Variants in R3HDM2 observed in about 807,000 individuals in gnomAD.
R3HDM2 encodes R3H domain-containing protein 2.
A neutral mutation model predicts 124.5 loss-of-function variants in R3HDM2; 38 were observed. That is an observed-to-expected ratio of 0.31 (90% CI 0.24 to 0.40). R3HDM2 has a LOEUF of 0.40. R3HDM2 is among the 10% of genes least tolerant of loss of function. The probability of loss-of-function intolerance (pLI) is 1.00; values close to 1 mark genes in which losing one functional copy is unlikely to be tolerated. For missense variants in R3HDM2, 869 were observed against 1,236.9 expected, an observed-to-expected ratio of 0.70 and a Z score of 4.46; for synonymous variants, 391 against 448.0, an observed-to-expected ratio of 0.87 and a Z score of 1.61.
intron 1 of R3HDM2, 143 bp downstream of exon 1, chr12:57,430,577 C>T (rs1192794139): frequency 1.0e-6 from 1 of 985,152 alleles, no homozygotes; most frequent in Non-Finnish European, 1.2e-6. Context: ...CCATCCGACC[C>T]TGACCCATCG....
In R3HDM2 at chr12:57,254,790, G is replaced by C; in HGVS notation, c.2956C>G (p.Arg986Gly). 3 of 1,568,578 alleles carry C rather than the reference G, an allele frequency of 1.9e-6. No homozygotes were observed. Among genetic ancestry groups the C allele is most frequent in the Non-Finnish European group, 2.6e-6 (3 of 1,148,858 alleles). The part of the protein sequence containing the change: ...KKNYDLRILE[R>G]ASSQ Reference sequence around the variant, plus strand: ...TCCTCCATTTATTGGGAGCTGGCTCGCTCCAGGATCCTCAGGTCATAGTTC... The same window carrying C: ...TCCTCCATTTATTGGGAGCTGGCTCCCTCCAGGATCCTCAGGTCATAGTTC... Residue 986 changes from arginine (R) to glycine (G), a missense_variant, in exon 24 of 24, where the codon CGA (arginine) becomes GGA (glycine). Physicochemically the swap from Arg to Gly is moderately radical, Grantham distance 125 (BLOSUM62 -2). This residue lies in a region of R3HDM2 where 602 missense variants were observed against 789.2 expected (regional missense o/e 0.76). Transcript: ENST00000402412.
intron 2 of R3HDM2, among the ~76,000 whole-genome samples, chr12:57,389,345 T>C (rs1270951519): frequency 1.3e-5 from 2 of 152,314 alleles, no homozygotes; most frequent in African/African-American, 2.4e-5. Flanking sequence ...AAAACTCTAC[T>C]GGTAAGACGA....
chr12:57,413,994 C>A (rs1022913866), intron 1 of R3HDM2, among the ~76,000 whole-genome samples: 3 of 150,352 alleles, frequency 2.0e-5, no homozygotes, highest in Middle Eastern at 3.4e-3. Context: ...TACAGGCACA[C>A]ACCACCATAC....
At chr12:57,359,780 C>A (rs1271357118) in intron 2 of R3HDM2, among the ~76,000 whole-genome samples, 1 of 151,712 alleles carries the variant, frequency 6.6e-6, no homozygotes, top group East Asian at 1.9e-4. Context: ...ATTAAGCATT[C>A]TTATGATTCA....
chr12:57,343,764 TAAAAAAAAA>T (rs5798403), intron 2 of R3HDM2, among the ~76,000 whole-genome samples: 1 of 111,660 alleles, frequency 9.0e-6, no homozygotes, highest in Non-Finnish European at 1.9e-5. Flanking sequence ...TACAAAAGGT[TAAAAAAAAA>T]AAAAAAAAAA....
Position 57,297,983 on chromosome 12 carries a change from T to C in R3HDM2, c.500+107A>G, listed in dbSNP as rs991847593. The C allele has an allele frequency of 5.2e-6, 4 of 768,258 alleles. No homozygotes were observed. The Admixed American group carries it at 8.1e-5, about 16-fold the overall frequency. 47.6% of individuals were successfully genotyped at this position (768,258 alleles called of 1,614,324 possible). ...GACAAATACTAGGGGGACAGGAAGATGAGCATCCTAGATTCTAAGAATGGA... is the reference window on the plus strand; with the variant it reads ...GACAAATACTAGGGGGACAGGAAGACGAGCATCCTAGATTCTAAGAATGGA... On this transcript the variant is annotated intron_variant, in intron 7 of 23. Transcript: ENST00000402412.
rs1333254035 is a variant in R3HDM2 at position 57,317,649 on chromosome 12, G to A, written c.-35-7186C>T. 9.1e-5 allele frequency among the ~76,000 whole-genome samples: 13 copies of A among 142,394 alleles called. No homozygotes were observed. In the South Asian group the frequency reaches 1.3e-3, roughly 15 times the overall value. The allele number at this position is 142,394 out of a possible 152,430, so 93.4% of individuals were successfully genotyped here. A position where few individuals can be genotyped will look rare whatever the true frequency, so the allele number is the denominator to read the frequency against. ...GGAGATAGTTAAAAAAAAAAAAAAGGGTATATTAAGAAGATAGTTAAAAAA... is the reference window on the plus strand; with the variant it reads ...GGAGATAGTTAAAAAAAAAAAAAAGAGTATATTAAGAAGATAGTTAAAAAA... On this transcript the variant is annotated intron_variant, in intron 2 of 23. Transcript: ENST00000402412.
At chr12:57,280,211 C>T in intron 14 of R3HDM2, 147 bp downstream of exon 14, 1 of 913,652 alleles carries the variant, frequency 1.1e-6, no homozygotes, top group South Asian at 2.5e-5. Flanking sequence ...TCTTTCCCTA[C>T]AACTAACAAA....
At chr12:57,321,589 T>C (rs1027686450) in intron 2 of R3HDM2, among the ~76,000 whole-genome samples, 2 of 152,038 alleles carry the variant, frequency 1.3e-5, no homozygotes, top group African/African-American at 4.8e-5. Flanking sequence ...AGGCAGAGGT[T>C]GCAGTGAGCC....
At chr12:57,355,553 T>C (rs969990327) in intron 2 of R3HDM2, among the ~76,000 whole-genome samples, 21 of 152,074 alleles carry the variant, frequency 1.4e-4, no homozygotes, top group Admixed American at 8.5e-4. Flanking sequence ...CTGTCAAAAA[T>C]CAACTGACAT....
Position 57,283,762 on chromosome 12 carries a change from T to G in R3HDM2, c.1171+62A>C. 4.0e-6 allele frequency: 6 copies of G among 1,497,690 alleles called. No individual in the cohort carries two copies. The South Asian group carries it at 4.7e-5, about 12-fold the overall frequency. The allele number at this position is 1,497,690 out of a possible 1,614,324, so 92.8% of individuals were successfully genotyped here. ...CAAAAAAAAAAGTAAATATCAGTGA[T>G]GTTTCACAGGAGACAAGCAAGAAGG... On this transcript the variant is annotated intron_variant, in intron 13 of 23. Transcript: ENST00000402412.
intron 2 of R3HDM2, among the ~76,000 whole-genome samples, chr12:57,392,322 T>C (rs1594384732): frequency 2.0e-5 from 3 of 152,214 alleles, no homozygotes; most frequent in Non-Finnish European, 2.9e-5. Flanking sequence ...AGTAAGGCGA[T>C]GGTTTCAGGA....
intron 2 of R3HDM2, among the ~76,000 whole-genome samples, chr12:57,340,601 A>C (rs528172849): frequency 1.3e-3 from 192 of 152,318 alleles, no homozygotes; most frequent in African/African-American, 4.5e-3. Flanking sequence ...AAAAATAAGA[A>C]TACCTAATGT....
intron 1 of R3HDM2, among the ~76,000 whole-genome samples, chr12:57,408,354 A>G (rs1340824304): frequency 6.6e-6 from 1 of 152,222 alleles, no homozygotes; most frequent in Non-Finnish European, 1.5e-5. Flanking sequence ...GGCATGAGCC[A>G]CCGCACCTGC....
In R3HDM2 at chr12:57,297,826, A is replaced by G. The variant is rs568100309; in HGVS notation, c.500+264T>C. 14 of 447,212 alleles carry G rather than the reference A, an allele frequency of 3.1e-5. No homozygotes were observed. The Admixed American group carries it at 3.1e-4, about 10-fold the overall frequency. The allele number at this position is 447,212 out of a possible 1,614,324, so 27.7% of individuals were successfully genotyped here. A position where few individuals can be genotyped will look rare whatever the true frequency, so the allele number is the denominator to read the frequency against. ...CACTCCCAATGTGTGCTTTTTAATC[A>G]GTATACTCCCAAGACTTCATATTTC... On this transcript the variant is annotated intron_variant, in intron 7 of 23. Transcript: ENST00000402412.
At chr12:57,363,331 G>T (rs1308820403) in intron 2 of R3HDM2, among the ~76,000 whole-genome samples, 1 of 151,988 alleles carries the variant, frequency 6.6e-6, no homozygotes, top group Non-Finnish European at 1.5e-5. Flanking sequence ...ATGGCTTTTA[G>T]CATATTCAGA....
chr12:57,306,153 G>T, intron 3 of R3HDM2, among the ~76,000 whole-genome samples: 1 of 152,278 alleles, frequency 6.6e-6, no homozygotes, highest in African/African-American at 2.4e-5. Flanking sequence ...ATTTATAACA[G>T]GGACCAAGGA....
At chr12:57,417,417 T>C (rs2139462998) in intron 1 of R3HDM2, among the ~76,000 whole-genome samples, 1 of 151,238 alleles carries the variant, frequency 6.6e-6, no homozygotes, top group East Asian at 1.9e-4. Flanking sequence ...GACTTCCACA[T>C]GAAACTGGGT....
chr12:57,301,873 A>G (rs2051257104), intron 4 of R3HDM2, among the ~76,000 whole-genome samples: 1 of 152,250 alleles, frequency 6.6e-6, no homozygotes, highest in African/African-American at 2.4e-5. Flanking sequence ...AAAACCTATC[A>G]CACACTAACA....
Sources: allele counts gnomAD v4.1 joint callset (sites outside exome capture counted in the v4.1 genomes callset), GRCh38; gene constraint gnomAD v4.1.1; regional missense constraint gnomAD v4.1.1; transcripts MANE v1.5; gene names NCBI Gene and HGNC (gene_info 2026-07-23, HGNC 2026-07-21).